The following FARP2 variants were observed in gnomAD, a reference collection of about 807,000 sequenced individuals.
FARP2 encodes FERM, ARH/RhoGEF and pleckstrin domain protein 2, also known as FERM, ARHGEF and pleckstrin domain-containing protein 2.
FARP2 carries 111 observed loss-of-function variants against 130.5 expected under a neutral mutation model. The ratio of observed to expected loss-of-function variants is 0.85; its 90% CI spans 0.73 to 1.00. The LOEUF (loss-of-function observed/expected upper bound fraction) is 1.00, where lower values mean the gene tolerates loss of function less well. Among genes scored for constraint, FARP2 ranks in the 50% least tolerant of loss-of-function variants. The pLI, the probability that FARP2 is intolerant of heterozygous loss-of-function variation, is 0.00. For synonymous variants in FARP2, 504 were observed against 516.9 expected (o/e 0.98, Z 0.34); for missense variants, 1,385 against 1,346.3 (o/e 1.03, Z -0.45).
chr2:241,407,001 G>A lies in FARP2; in HGVS notation c.332-536G>A, dbSNP rs553951873. On this transcript the variant is annotated intron_variant, in intron 4 of 26. Coordinates refer to ENST00000264042, the MANE Select transcript of FARP2 (RefSeq NM_014808.4). ...TTTTTTGTATTTTTAATAGAGACGGGGTTTCACTGTGTTGGCCAGGATGGT... is the reference window on the plus strand; with the variant it reads ...TTTTTTGTATTTTTAATAGAGACGGAGTTTCACTGTGTTGGCCAGGATGGT... 5.3e-5 allele frequency among the ~76,000 whole-genome samples: 8 copies of A among 151,390 alleles called. No individual in the cohort carries two copies. In the East Asian group the frequency reaches 1.6e-3, roughly 30 times the overall value.
intron 6 of FARP2, among the ~76,000 whole-genome samples, chr2:241,412,293 A>G (rs2062541222): frequency 6.6e-6 from 1 of 152,082 alleles, no homozygotes; most frequent in Non-Finnish European, 1.5e-5. Flanking sequence ...TGAGTCAGTT[A>G]CCTCCCACTG....
At chr2:241,483,571 A>G in intron 20 of FARP2, 38 bp downstream of exon 20, 1 of 1,579,216 alleles carries the variant, frequency 6.3e-7, no homozygotes, top group Non-Finnish European at 8.7e-7. Flanking sequence ...CTTCCCCCCG[A>G]GGGGGATGGG....
At chr2:241,378,775 G>A (rs749283883) in intron 2 of FARP2, among the ~76,000 whole-genome samples, 15 of 152,156 alleles carry the variant, frequency 9.9e-5, no homozygotes, top group Non-Finnish European at 1.6e-4. Flanking sequence ...TAGGGTGGAG[G>A]CCTATTTGTG....
At chr2:241,394,441 C>A (rs1378909135) in intron 2 of FARP2, among the ~76,000 whole-genome samples, 1 of 151,606 alleles carries the variant, frequency 6.6e-6, no homozygotes, top group African/African-American at 2.4e-5. Flanking sequence ...TGGCATGAAT[C>A]CAGGAGGCGG....
chr2:241,397,045 G>T (rs1230456643), intron 2 of FARP2, among the ~76,000 whole-genome samples: 1 of 152,172 alleles, frequency 6.6e-6, no homozygotes, highest in African/African-American at 2.4e-5. Flanking sequence ...GGACATGGGT[G>T]AAATTGGAAA....
intron 2 of FARP2, among the ~76,000 whole-genome samples, chr2:241,394,878 C>G (rs1167520082): frequency 6.6e-6 from 1 of 152,096 alleles, no homozygotes; most frequent in African/African-American, 2.4e-5. Context: ...GGACCTGTCC[C>G]GAATGAACCC....
Position 241,373,090 on chromosome 2 carries a change from C to G in FARP2, c.-18C>G. The G allele has an allele frequency of 2.2e-6, 2 of 922,212 alleles. No individual in the cohort carries two copies. Among genetic ancestry groups the G allele is most frequent in the African/African-American group, 1.9e-5 (1 of 51,776 alleles). 57.1% of individuals were successfully genotyped at this position (922,212 alleles called of 1,614,324 possible). On this transcript the variant is annotated 5_prime_UTR_variant, in exon 2 of 27. Coordinates refer to ENST00000264042, the MANE Select transcript of FARP2 (RefSeq NM_014808.4). Reference sequence around the variant, plus strand: ...TTTTTTTTTTTCATTTTAGTGTTTTCTTCACTCATGGTGAAGAATGGGGGA... The same window carrying G: ...TTTTTTTTTTTCATTTTAGTGTTTTGTTCACTCATGGTGAAGAATGGGGGA...
intron 19 of FARP2, among the ~76,000 whole-genome samples, chr2:241,477,123 C>CTTTTTTTTT (rs71406462): frequency 2.9e-4 from 36 of 122,638 alleles, no homozygotes; most frequent in Admixed American, 5.0e-4. Context: ...ATTCATGTTC[C>CTTTTTTTTT]TTTTTTTTTT....
chr2:241,470,944 C>T (rs991989284), intron 18 of FARP2, among the ~76,000 whole-genome samples: 21 of 150,210 alleles, frequency 1.4e-4, no homozygotes, highest in African/African-American at 4.9e-4. Context: ...TCTGGGTGCT[C>T]ACTACCCTGA....
intron 2 of FARP2, among the ~76,000 whole-genome samples, chr2:241,391,698 G>A (rs2061908466): frequency 6.6e-6 from 1 of 152,140 alleles, no homozygotes; most frequent in African/African-American, 2.4e-5. Flanking sequence ...ACCTCATCTG[G>A]TCGTGCAGAG....
rs2150301185 is a variant in FARP2 at position 241,373,213 on chromosome 2, T to C, written c.106T>C (p.Leu36=). ...VSTLEPGQTL[L]PRMQEKHLHL... ...CACCCTTGAGCCTGGGCAGACTCTC[T>C]TGCCCAGAATGCAAGAGAAGCACCT... The change falls in exon 2 of 27, where the codon TTG becomes CTG. Residue 36 remains leucine (L), a synonymous_variant. Coordinates refer to ENST00000264042, the MANE Select transcript of FARP2 (RefSeq NM_014808.4). 1 of 1,575,026 alleles carries C rather than the reference T, an allele frequency of 6.3e-7. No homozygotes were observed. Among genetic ancestry groups the C allele is most frequent in the Non-Finnish European group, 8.7e-7 (1 of 1,155,172 alleles).
intron 26 of FARP2, 96 bp downstream of exon 26, chr2:241,493,540 C>T: frequency 8.5e-7 from 1 of 1,172,794 alleles, no homozygotes; most frequent in East Asian, 2.4e-5. Context: ...TTTTCTGGGC[C>T]CTGGAAAGGA....
chr2:241,464,160 C>T (rs1321217012), intron 17 of FARP2, among the ~76,000 whole-genome samples, 180 bp downstream of exon 17: 1 of 151,162 alleles, frequency 6.6e-6, no homozygotes, highest in Non-Finnish European at 1.5e-5. Context: ...CCCTCCAGAC[C>T]AGGGTCCCCC....
intron 2 of FARP2, among the ~76,000 whole-genome samples, chr2:241,402,650 A>G (rs533833940): frequency 1.9e-4 from 29 of 151,128 alleles, no homozygotes; most frequent in Middle Eastern, 6.8e-3. Flanking sequence ...AATGTACAAT[A>G]AAACTCTATT....
chr2:241,442,364 G>T (rs2063408635), intron 13 of FARP2: 1 of 456,560 alleles, frequency 2.2e-6, no homozygotes, highest in Admixed American at 2.3e-5. Context: ...GAGGACTCCA[G>T]CAGCACAGAG....
chr2:241,484,197 C>A, intron 20 of FARP2, 45 bp from the exon 21 acceptor site: 2 of 1,612,824 alleles, frequency 1.2e-6, no homozygotes, highest in Non-Finnish European at 1.7e-6. Flanking sequence ...ACTATTAAGA[C>A]ACTTGTTTGT....
chr2:241,422,280 A>G (rs2062829711), intron 8 of FARP2, among the ~76,000 whole-genome samples: 1 of 138,438 alleles, frequency 7.2e-6, no homozygotes, highest in East Asian at 2.4e-4. Flanking sequence ...AAAAAAAAAA[A>G]TTAACCACGC....
At chr2:241,442,404 C>G (rs769352643) in intron 13 of FARP2, 5 of 456,650 alleles carry the variant, frequency 1.1e-5, no homozygotes, top group South Asian at 7.7e-5. Context: ...AAACCGAGGC[C>G]CCCCTAGACA....
chr2:241,388,042 C>A (rs956504060), intron 2 of FARP2, among the ~76,000 whole-genome samples: 1 of 152,092 alleles, frequency 6.6e-6, no homozygotes, highest in Admixed American at 6.6e-5. Flanking sequence ...AAAATCTCAG[C>A]TAGCTTTTTA....
Sources: allele counts gnomAD v4.1 joint callset (sites outside exome capture counted in the v4.1 genomes callset), GRCh38; gene constraint gnomAD v4.1.1; transcripts MANE v1.5; gene names NCBI Gene and HGNC (gene_info 2026-07-23, HGNC 2026-07-21).